ASTN2: variants seen among roughly 807,000 people sequenced by gnomAD.
ASTN2 encodes the protein astrotactin 2.
In ASTN2, 54 loss-of-function variants were observed where a neutral mutation model predicts 139.8. That is an observed-to-expected ratio of 0.39 (90% CI 0.31 to 0.48). The LOEUF is 0.48. Ranked by LOEUF, ASTN2 falls within the 20% of genes least tolerant of loss-of-function variation. ASTN2 has a pLI of 0.95. For synonymous variants in ASTN2, 756 were observed against 719.5 expected, an observed-to-expected ratio of 1.05 and a Z score of -0.81; for missense variants, 1,565 against 1,725.1, an observed-to-expected ratio of 0.91 and a Z score of 1.64.
At chr9:117,021,433 G>A (rs2132615912) in intron 6 of ASTN2, among the ~76,000 whole-genome samples, 1 of 152,240 alleles carries the variant, frequency 6.6e-6, no homozygotes, top group South Asian at 2.1e-4. Flanking sequence ...CAAACCCCAT[G>A]GGGCATTCTT....
intron 16 of ASTN2, among the ~76,000 whole-genome samples, chr9:116,694,459 C>CTTTTTTTTTT (rs56666915): frequency 1.7e-4 from 15 of 88,038 alleles, no homozygotes; most frequent in East Asian, 3.8e-4. Context: ...TGTAATTTCT[C>CTTTTTTTTTT]TTTTTTTTTT....
At chr9:116,689,280 C>A (rs568240672) in intron 16 of ASTN2, among the ~76,000 whole-genome samples, 73 of 152,142 alleles carry the variant, frequency 4.8e-4, no homozygotes, top group Non-Finnish European at 9.7e-4. Context: ...TACTTAACCA[C>A]CCAGTGCCTT....
intron 5 of ASTN2, among the ~76,000 whole-genome samples, chr9:117,060,375 A>G (rs1433949430): frequency 2.6e-4 from 19 of 74,128 alleles, no homozygotes; most frequent in African/African-American, 1.4e-3. Context: ...AGAAAGAAAG[A>G]AAGAAAGAAA....
At chr9:116,620,541 T>G (rs1420600122) in intron 17 of ASTN2, 98 bp from the exon 18 acceptor site, 4 of 1,467,432 alleles carry the variant, frequency 2.7e-6, no homozygotes, top group African/African-American at 1.4e-5. Context: ...TCGAGGGCTT[T>G]AGAGTAGCCC....
intron 13 of ASTN2, among the ~76,000 whole-genome samples, chr9:116,768,559 C>T (rs115985098): frequency 0.011 from 1,732 of 152,278 alleles, 26 homozygotes; most frequent in African/African-American, 0.034. Flanking sequence ...CTGAATATTT[C>T]TGTCCCTGAT....
chr9:116,983,462 C>A (rs1836574279), intron 7 of ASTN2, among the ~76,000 whole-genome samples: 1 of 152,192 alleles, frequency 6.6e-6, no homozygotes, highest in African/African-American at 2.4e-5. Flanking sequence ...TGCCCTAGGT[C>A]ATAGGGCCAG....
chr9:116,713,513 C>A (rs930923631), intron 16 of ASTN2, among the ~76,000 whole-genome samples: 2 of 152,152 alleles, frequency 1.3e-5, no homozygotes, highest in Admixed American at 1.3e-4. Context: ...CAGCATCATG[C>A]AGGCTTACAT....
intron 10 of ASTN2, among the ~76,000 whole-genome samples, chr9:116,909,529 T>A (rs1190927857): frequency 6.6e-6 from 1 of 152,112 alleles, no homozygotes; most frequent in Non-Finnish European, 1.5e-5. Context: ...ACATGGTACG[T>A]TTGAGATGTC....
At chr9:116,893,267 C>T (rs190459040) in intron 10 of ASTN2, among the ~76,000 whole-genome samples, 13 of 152,158 alleles carry the variant, frequency 8.5e-5, no homozygotes, top group African/African-American at 3.1e-4. Context: ...CATTTCAGGA[C>T]ACTTTTTTGT....
intron 10 of ASTN2, among the ~76,000 whole-genome samples, chr9:116,958,164 A>G: frequency 6.6e-6 from 1 of 152,158 alleles, no homozygotes; most frequent in Non-Finnish European, 1.5e-5. Context: ...TTCTAGGGAG[A>G]TACTTTGAGG....
chr9:117,045,499 C>T (rs191027087), intron 5 of ASTN2, among the ~76,000 whole-genome samples: 40 of 152,136 alleles, frequency 2.6e-4, no homozygotes, highest in Admixed American at 2.5e-3. Context: ...CATTTTCCCT[C>T]CCTCTTACAC....
At chr9:116,649,825 TG>T (rs1857808417) in intron 17 of ASTN2, among the ~76,000 whole-genome samples, 1 of 152,150 alleles carries the variant, frequency 6.6e-6, no homozygotes, top group South Asian at 2.1e-4. Flanking sequence ...CATCACCTCA[TG>T]GCCCACAGGA....
intron 10 of ASTN2, among the ~76,000 whole-genome samples, chr9:116,942,090 G>GCA (rs71379244): frequency 2.5e-4 from 37 of 149,882 alleles, no homozygotes; most frequent in African/African-American, 5.7e-4. Flanking sequence ...ACGCACGCAC[G>GCA]CACACACACA....
At chr9:117,012,843 G>C (rs1837572567) in intron 6 of ASTN2, among the ~76,000 whole-genome samples, 1 of 152,186 alleles carries the variant, frequency 6.6e-6, no homozygotes, top group African/African-American at 2.4e-5. Flanking sequence ...CACTCAAGTA[G>C]CACCTATATG....
At chr9:117,315,877 C>G (rs1017804213) in intron 1 of ASTN2, among the ~76,000 whole-genome samples, 1 of 152,128 alleles carries the variant, frequency 6.6e-6, no homozygotes, top group African/African-American at 2.4e-5. Context: ...GTAAAACCTC[C>G]AGGCACATAA....
chr9:117,390,858 A>C (rs1830521864), intron 1 of ASTN2, among the ~76,000 whole-genome samples: 1 of 152,184 alleles, frequency 6.6e-6, no homozygotes, highest in Admixed American at 6.5e-5. Context: ...TATACCCAGG[A>C]GTGCAATTAC....
At chr9:117,309,132 C>T (rs1043684661) in intron 1 of ASTN2, among the ~76,000 whole-genome samples, 6 of 152,302 alleles carry the variant, frequency 3.9e-5, no homozygotes, top group South Asian at 2.1e-4. Context: ...TATGTACACA[C>T]GTTTGGCTCA....
At chr9:117,292,588 A>G (rs953077264) in intron 1 of ASTN2, among the ~76,000 whole-genome samples, 2 of 152,178 alleles carry the variant, frequency 1.3e-5, no homozygotes, top group African/African-American at 4.8e-5. Flanking sequence ...GTCCATCAGT[A>G]GACAAGTAGT....
chr9:116,501,297 A>T (rs1849845518), intron 19 of ASTN2, among the ~76,000 whole-genome samples: 1 of 152,196 alleles, frequency 6.6e-6, no homozygotes, highest in African/African-American at 2.4e-5. Context: ...ACATGAACTC[A>T]TCCTTTTTTA....
Sources: allele counts gnomAD v4.1 joint callset (sites outside exome capture counted in the v4.1 genomes callset), GRCh38; gene constraint gnomAD v4.1.1; transcripts MANE v1.5; gene names NCBI Gene and HGNC (gene_info 2026-07-23, HGNC 2026-07-21).